PPM1A: variants seen among roughly 807,000 people sequenced by gnomAD.
PPM1A encodes protein phosphatase, Mg2+/Mn2+ dependent 1A.
PPM1A carries 7 observed loss-of-function variants against 35.0 expected under a neutral mutation model. The ratio of observed to expected loss-of-function variants is 0.20; its 90% CI spans 0.11 to 0.38. PPM1A has a LOEUF of 0.38. Ranked by LOEUF, PPM1A falls within the 10% of genes least tolerant of loss-of-function variation. The pLI, the probability that PPM1A is intolerant of heterozygous loss-of-function variation, is 1.00. For missense variants in PPM1A, 239 were observed against 467.8 expected, an observed-to-expected ratio of 0.51 and a Z score of 4.51; for synonymous variants, 153 against 167.3, an observed-to-expected ratio of 0.91 and a Z score of 0.66.
At chr14:60,262,110 T>G (rs1486994299) in intron 1 of PPM1A, among the ~76,000 whole-genome samples, 1 of 152,234 alleles carries the variant, frequency 6.6e-6, no homozygotes, top group Non-Finnish European at 1.5e-5. Flanking sequence ...ATTTAATAGA[T>G]AAAATGTGTT....
chr14:60,278,339 CTT>C (rs36059694), intron 1 of PPM1A, among the ~76,000 whole-genome samples: 67 of 138,928 alleles, frequency 4.8e-4, no homozygotes, highest in Admixed American at 5.7e-4. Flanking sequence ...CTCCCAGTTT[CTT>C]TTTTTTTTTT....
At chr14:60,286,424 C>T in intron 3 of PPM1A, 1 of 984,912 alleles carries the variant, frequency 1.0e-6, no homozygotes, top group Non-Finnish European at 1.2e-6. Context: ...TGCATATATG[C>T]AGTAAAGTGT....
rs1169756396 is a variant in PPM1A at position 60,249,231 on chromosome 14, G to A, written c.-467G>A. The A allele has an allele frequency of 2.0e-6, 2 of 988,092 alleles. No individual in the cohort carries two copies. Among genetic ancestry groups the A allele is most frequent in the African/African-American group, 3.5e-5 (2 of 57,110 alleles). 61.2% of individuals were successfully genotyped at this position (988,092 alleles called of 1,614,324 possible). A position where few individuals can be genotyped will look rare whatever the true frequency, so the allele number is the denominator to read the frequency against. On this transcript the variant is annotated 5_prime_UTR_variant, in exon 1 of 6. Transcript: ENST00000395076. The surrounding 1 kb of genome is among the most constrained non-coding windows in gnomAD (Gnocchi z 4.5). The stretch of plus-strand genomic sequence containing the variant: ...GCGCGGGGCCGCGCTAGAGGCGGCG[G>A]CGGCGGCGGTGGCGGCGCTAGGGAC...
upstream of PPM1A, among the ~76,000 whole-genome samples, chr14:60,247,354 G>C (rs776013348): frequency 1.3e-5 from 2 of 152,040 alleles, no homozygotes; most frequent in Admixed American, 1.3e-4. Flanking sequence ...TTCTGGCCGG[G>C]AACAGTGGCT....
upstream of PPM1A, among the ~76,000 whole-genome samples, chr14:60,247,804 T>A (rs1221452464): frequency 6.6e-6 from 1 of 151,938 alleles, no homozygotes; most frequent in Non-Finnish European, 1.5e-5. Flanking sequence ...ACAAAATGGT[T>A]TAGGAGATAG....
rs1882066457 is a variant in PPM1A at position 60,249,563 on chromosome 14, T to A, written c.-135T>A. 2.0e-6 allele frequency: 2 copies of A among 985,716 alleles called. No individual in the cohort carries two copies. Among genetic ancestry groups the A allele is most frequent in the South Asian group, 9.1e-5 (2 of 22,058 alleles). 61.1% of individuals were successfully genotyped at this position (985,716 alleles called of 1,614,324 possible). A position where few individuals can be genotyped will look rare whatever the true frequency, so the allele number is the denominator to read the frequency against. On this transcript the variant is annotated 5_prime_UTR_variant, in exon 1 of 6. Transcript: ENST00000395076. This position sits in a 1 kb window ranked among gnomAD's most constrained non-coding sequence, Gnocchi z 4.5. ...TCCCCAGCCTGACCTGGCCCGCCGC[T>A]GCAGCGGTGACCCCTCCCCCGGCTG... is the stretch of plus-strand genomic sequence containing the variant.
upstream of PPM1A, chr14:60,245,944 A>G (rs775153252): frequency 6.3e-7 from 1 of 1,579,808 alleles, no homozygotes; most frequent in East Asian, 2.3e-5. The surrounding 1 kb of genome is among the most constrained non-coding windows in gnomAD (Gnocchi z 4.2). Flanking sequence ...AAGGGCAAAG[A>G]AGGCAAAAAG....
At chr14:60,285,888 G>A (rs1189470406) in intron 3 of PPM1A, 147 bp downstream of exon 3, 1 of 1,427,010 alleles carries the variant, frequency 7.0e-7, no homozygotes, top group Non-Finnish European at 9.2e-7. Flanking sequence ...TTCTGTAGTA[G>A]CTGTTAAGAT....
rs1595384419 is a variant in PPM1A at position 60,295,074 on chromosome 14, A to G, written c.*2592A>G. 6.6e-6 allele frequency: 1 copy of G among 151,754 alleles called. No individual in the cohort carries two copies. The highest frequency in any genetic ancestry group is 1.5e-5 in the Non-Finnish European group (1 of 67,756). The allele number at this position is 151,754 out of a possible 1,614,324, so 9.4% of individuals were successfully genotyped here. ...TTGTGCTAATTAGCATCTCAGGGCA[A>G]TGCCTCAAAAATGTTTGATGTGTTC... On this transcript the variant is annotated 3_prime_UTR_variant, in exon 6 of 6. Coordinates refer to ENST00000395076, the MANE Select transcript of PPM1A (RefSeq NM_021003.5).
intron 3 of PPM1A, chr14:60,287,196 CTT>C: frequency 1.1e-6 from 1 of 945,440 alleles, no homozygotes; most frequent in Non-Finnish European, 1.3e-6. Flanking sequence ...AGTGTGTACA[CTT>C]TAAGTTTTAG....
Position 60,280,790 on chromosome 14 carries a change from C to T in PPM1A, c.-20-1894C>T, listed in dbSNP as rs556294371. ...GAATCACATATGAAAATTTAAAAAT[C>T]ATAGATACCTAGGTTCCAACCCTAC... On this transcript the variant is annotated intron_variant, in intron 1 of 5. Coordinates refer to ENST00000395076, the MANE Select transcript of PPM1A (RefSeq NM_021003.5). Among the ~76,000 whole-genome samples, 36 of 152,288 alleles carry T rather than the reference C, an allele frequency of 2.4e-4. 1 individual carries two copies. Among genetic ancestry groups the T allele is most frequent in the African/African-American group, 8.2e-4 (34 of 41,546 alleles).
chr14:60,260,157 C>T (rs1883581184), intron 1 of PPM1A, among the ~76,000 whole-genome samples: 1 of 151,868 alleles, frequency 6.6e-6, no homozygotes, highest in African/African-American at 2.4e-5. Context: ...AGAGCTTTAC[C>T]CGACTTACTT....
intron 1 of PPM1A, among the ~76,000 whole-genome samples, chr14:60,264,007 CTTGT>C (rs779346412): frequency 1.3e-5 from 2 of 150,850 alleles, no homozygotes; most frequent in Non-Finnish European, 3.0e-5. Flanking sequence ...TACTCAATAA[CTTGT>C]TTAATTAGCC....
chr14:60,255,656 T>G (rs1363544959), intron 1 of PPM1A, among the ~76,000 whole-genome samples: 1 of 152,194 alleles, frequency 6.6e-6, no homozygotes, highest in Non-Finnish European at 1.5e-5. Flanking sequence ...GTGATTGTTG[T>G]AGGAGGAGGT....
chr14:60,274,231 G>C (rs911592344), intron 1 of PPM1A, among the ~76,000 whole-genome samples: 1 of 152,156 alleles, frequency 6.6e-6, no homozygotes, highest in African/African-American at 2.4e-5. Flanking sequence ...TGGAGGGAGT[G>C]TTATAGTTGA....
rs757656654 is a variant in PPM1A, at chr14:60,292,527, A to G, written c.*45A>G. ...GAGTTTACCTTCACCTCCAAAGGAG[A>G]GTACAGCTCAACTTTGTTGAAACTT... is the stretch of plus-strand genomic sequence containing the variant. On this transcript the variant is annotated 3_prime_UTR_variant, in exon 6 of 6. Transcript: ENST00000395076. This position sits in a 1 kb window ranked among gnomAD's most constrained non-coding sequence, Gnocchi z 4.2. 1.3e-6 allele frequency: 2 copies of G among 1,521,262 alleles called. No individual in the cohort carries two copies. Among genetic ancestry groups the G allele is most frequent in the Non-Finnish European group, 1.8e-6 (2 of 1,100,788 alleles). 94.2% of individuals were successfully genotyped at this position (1,521,262 alleles called of 1,614,324 possible). A position where few individuals can be genotyped will look rare whatever the true frequency, so the allele number is the denominator to read the frequency against.
chr14:60,250,425 G>A lies in PPM1A; in HGVS notation c.-21+748G>A. 5.1e-6 allele frequency: 5 copies of A among 985,076 alleles called. No individual in the cohort carries two copies. The South Asian group carries it at 1.4e-4, about 28-fold the overall frequency. The allele number at this position is 985,076 out of a possible 1,614,324, so 61.0% of individuals were successfully genotyped here. A position where few individuals can be genotyped will look rare whatever the true frequency, so the allele number is the denominator to read the frequency against. On this transcript the variant is annotated intron_variant, in intron 1 of 5. Coordinates refer to ENST00000395076, the MANE Select transcript of PPM1A (RefSeq NM_021003.5). ...CTTTTCTTGAAAGACAGCTGGCTGT[G>A]GAGAGCCTTCTACCAACTGCAGTTT...
rs745451715 is a variant in PPM1A at position 60,283,116 on chromosome 14, A to G, written c.413A>G (p.His138Arg). 3 of 1,614,230 alleles carry G rather than the reference A, an allele frequency of 1.9e-6. No homozygotes were observed. The highest frequency in any genetic ancestry group is 2.5e-6 in the Non-Finnish European group (3 of 1,180,040). Residue 138 changes from histidine (H) to arginine (R), a missense_variant, in exon 2 of 6, where the codon CAT becomes CGT. Transcript: ENST00000395076. The surrounding 1 kb of genome is among the most constrained non-coding windows in gnomAD (Gnocchi z 6.3). ...GTAGGTGTCTTAATTTCTCCCCAAC[A>G]TACTTATTTCATTAACTGTGGAGAC... Reference protein sequence around the residue: ...TAVGVLISPQHTYFINCGDSR... With the variant: ...TAVGVLISPQRTYFINCGDSR...
In PPM1A at chr14:60,295,229, C is replaced by G. The variant is rs1887966323; in HGVS notation, c.*2747C>G. On this transcript the variant is annotated 3_prime_UTR_variant, in exon 6 of 6. Transcript: ENST00000395076. Reference sequence around the variant, plus strand: ...TTTGTATAGCAGGCTCTGTTTTACCCTAACATTAAAAAATTTCACTGATCT... The same window carrying G: ...TTTGTATAGCAGGCTCTGTTTTACCGTAACATTAAAAAATTTCACTGATCT... The G allele has an allele frequency of 6.6e-6, 1 of 151,672 alleles. No individual in the cohort carries two copies. 9.4% of individuals were successfully genotyped at this position (151,672 alleles called of 1,614,324 possible).
Sources: allele counts gnomAD v4.1 joint callset (sites outside exome capture counted in the v4.1 genomes callset), GRCh38; gene constraint gnomAD v4.1.1; non-coding constraint Gnocchi (gnomAD v3.1); transcripts MANE v1.5; gene names NCBI Gene and HGNC (gene_info 2026-07-23, HGNC 2026-07-21).